Variants in GABRA2 observed in about 807,000 individuals in gnomAD.
GABRA2 encodes gamma-aminobutyric acid type A receptor subunit alpha2.
In GABRA2, 16 loss-of-function variants were observed where a neutral mutation model predicts 48.7. The ratio of observed to expected loss-of-function variants is 0.33; its 90% CI spans 0.22 to 0.50. The LOEUF (loss-of-function observed/expected upper bound fraction) is 0.50, where lower values mean the gene tolerates loss of function less well. Among genes scored for constraint, GABRA2 ranks in the 20% least tolerant of loss-of-function variants. GABRA2 has a pLI of 0.98. For missense variants in GABRA2, 275 were observed against 535.6 expected (o/e 0.51, Z 4.80); for synonymous variants, 185 against 184.5 (o/e 1.00, Z -0.02).
intron 8 of GABRA2, among the ~76,000 whole-genome samples, chr4:46,289,082 A>G (rs1262074164): frequency 3.3e-5 from 5 of 152,210 alleles, no homozygotes; most frequent in African/African-American, 1.2e-4. Context: ...ATGGAGAAAA[A>G]GGAAAGCTTA....
At chr4:46,316,015 C>T (rs1295269975) in intron 4 of GABRA2, among the ~76,000 whole-genome samples, 2 of 151,470 alleles carry the variant, frequency 1.3e-5, no homozygotes, top group African/African-American at 4.8e-5. Context: ...CAGTATCATA[C>T]CTTGTATATT....
chr4:46,344,294 T>C (rs187065646), intron 3 of GABRA2, among the ~76,000 whole-genome samples: 283 of 151,490 alleles, frequency 1.9e-3, no homozygotes, highest in Admixed American at 3.2e-3. Flanking sequence ...AAGGAAAGAG[T>C]GATGTACAGT....
rs189460841 is a variant in GABRA2, at chr4:46,387,134, T to C, written c.72-945A>G. ...TCTCAGAATGAATCAGAGATTTAAA[T>C]TGCTGGCCCCAAAAAAGAATCATTT... On this transcript the variant is annotated intron_variant, in intron 2 of 9. Transcript: ENST00000381620. 2.6e-4 allele frequency among the ~76,000 whole-genome samples: 39 copies of C among 152,240 alleles called. 1 individual carries two copies. In the East Asian group the frequency reaches 7.1e-3, roughly 28 times the overall value.
At chr4:46,295,261 A>G (rs921791463) in intron 8 of GABRA2, among the ~76,000 whole-genome samples, 2 of 152,182 alleles carry the variant, frequency 1.3e-5, no homozygotes, top group African/African-American at 4.8e-5. Context: ...ATGGAAGGAA[A>G]ACTGGCCAGA....
chr4:46,377,148 G>C (rs1020814698), intron 3 of GABRA2, among the ~76,000 whole-genome samples: 22 of 151,972 alleles, frequency 1.4e-4, no homozygotes, highest in African/African-American at 5.3e-4. Context: ...GCCTCTGCCC[G>C]GCCGCCACCC....
At chr4:46,300,764 T>G (rs1270923494) in intron 8 of GABRA2, among the ~76,000 whole-genome samples, 2 of 152,096 alleles carry the variant, frequency 1.3e-5, no homozygotes, top group African/African-American at 4.8e-5. Flanking sequence ...TTCTTTTTTC[T>G]ATAATTGTTA....
chr4:46,356,983 T>A (rs1736081941), intron 3 of GABRA2, among the ~76,000 whole-genome samples: 2 of 149,280 alleles, frequency 1.3e-5, no homozygotes, highest in Middle Eastern at 6.8e-3. Flanking sequence ...CTGGGTTTGT[T>A]TTTTTTTTGT....
At chr4:46,266,213 CTAGT>C (rs1456499963) in intron 8 of GABRA2, among the ~76,000 whole-genome samples, 1 of 149,858 alleles carries the variant, frequency 6.7e-6, no homozygotes, top group Non-Finnish European at 1.5e-5. Flanking sequence ...GATCTTCTGT[CTAGT>C]TATATTCATT....
rs548595163 is a variant in GABRA2, at chr4:46,344,066, T to C, written c.188-11384A>G. 6.6e-5 allele frequency among the ~76,000 whole-genome samples: 10 copies of C among 152,022 alleles called. No individual in the cohort carries two copies. In the East Asian group the frequency reaches 1.8e-3, roughly 27 times the overall value. ...GCTATTACTAGTGTTACTATTATAA[T>C]TGGAGTCCAAAAAGTAGATGAATAT... is the stretch of plus-strand genomic sequence containing the variant. On this transcript the variant is annotated intron_variant, in intron 3 of 9. Transcript: ENST00000381620.
rs190941346 is a variant in GABRA2 at position 46,244,412 on chromosome 4, G to T, written c.*5896C>A. ...CAGTTTATATAGCCAATGCAACATA[G>T]TTTGCCTTTTGGCATCATGTTATGG... On this transcript the variant is annotated 3_prime_UTR_variant, in exon 10 of 10. Coordinates refer to ENST00000381620, the MANE Select transcript of GABRA2 (RefSeq NM_000807.4). Among the ~76,000 whole-genome samples the T allele has an allele frequency of 3.3e-3, 494 of 151,640 alleles. 1 individual carries two copies. Among genetic ancestry groups the T allele is most frequent in the African/African-American group, 0.011 (445 of 41,490 alleles).
chr4:46,364,551 T>A (rs1479162423), intron 3 of GABRA2: 1 of 152,192 alleles, frequency 6.6e-6, no homozygotes, highest in Non-Finnish European at 1.5e-5. Context: ...TGGGGAAGAA[T>A]CAGCTTCTAA....
intron 4 of GABRA2, among the ~76,000 whole-genome samples, chr4:46,331,874 A>G (rs35649403): frequency 0.025 from 3,832 of 152,064 alleles, 59 homozygotes; most frequent in South Asian, 0.04. Flanking sequence ...GGCATGTGCT[A>G]TCACACCCTG....
At chr4:46,385,758 T>C (rs1212623418) in intron 3 of GABRA2, among the ~76,000 whole-genome samples, 4 of 152,082 alleles carry the variant, frequency 2.6e-5, no homozygotes, top group African/African-American at 9.7e-5. Context: ...TGAAATATAC[T>C]TTCATATGTA....
rs1014980850 is a variant in GABRA2, at chr4:46,248,836, C to T, written c.*1472G>A. On this transcript the variant is annotated 3_prime_UTR_variant, in exon 10 of 10. Coordinates refer to ENST00000381620, the MANE Select transcript of GABRA2 (RefSeq NM_000807.4). The stretch of plus-strand genomic sequence containing the variant: ...TTTAGTAAAAGTCAACTAATAACTG[C>T]TAATGTACATGTCAATCAAAAGTAT... 1 of 151,362 alleles carries T rather than the reference C, an allele frequency of 6.6e-6. No homozygotes were observed. Among genetic ancestry groups the T allele is most frequent in the Non-Finnish European group, 1.5e-5 (1 of 67,664 alleles). 9.4% of individuals were successfully genotyped at this position (151,362 alleles called of 1,614,324 possible).
At chr4:46,339,069 A>C in intron 3 of GABRA2, among the ~76,000 whole-genome samples, 1 of 151,904 alleles carries the variant, frequency 6.6e-6, no homozygotes, top group East Asian at 1.9e-4. Context: ...GAGTGAGTGA[A>C]TAAAGTTGTC....
intron 8 of GABRA2, among the ~76,000 whole-genome samples, chr4:46,277,342 G>T (rs1020481325): frequency 1.3e-5 from 2 of 152,138 alleles, no homozygotes; most frequent in African/African-American, 4.8e-5. Context: ...ATTATCAAGT[G>T]CTGCCTTGTG....
At chr4:46,267,601 T>C (rs1287891832) in intron 8 of GABRA2, among the ~76,000 whole-genome samples, 1 of 152,092 alleles carries the variant, frequency 6.6e-6, no homozygotes, top group Non-Finnish European at 1.5e-5. Context: ...CTGACCATTC[T>C]CTGGGGTTTG....
chr4:46,297,849 T>A (rs1725034729), intron 8 of GABRA2, among the ~76,000 whole-genome samples: 1 of 152,042 alleles, frequency 6.6e-6, no homozygotes, highest in Non-Finnish European at 1.5e-5. Flanking sequence ...ATCTTCCATA[T>A]TTTTTAATGT....
At chr4:46,342,878 G>C (rs536664044) in intron 3 of GABRA2, among the ~76,000 whole-genome samples, 1 of 151,988 alleles carries the variant, frequency 6.6e-6, no homozygotes, top group South Asian at 2.1e-4. Context: ...GCCCAAGCTG[G>C]CCTTGAACTC....
Sources: gnomAD v4.1 joint callset for allele counts (sites outside exome capture counted in the v4.1 genomes callset) on GRCh38, gnomAD v4.1.1 for gene constraint, MANE v1.5 for transcripts, NCBI Gene and HGNC (gene_info 2026-07-23, HGNC 2026-07-21) for gene names.